The following PCDHGA12 variants were observed in gnomAD, a reference collection of about 807,000 sequenced individuals.
PCDHGA12 encodes the protein protocadherin gamma-A12.
Under a neutral mutation model 61.1 loss-of-function variants are expected in PCDHGA12, and 43 were observed. The observed-to-expected ratio is 0.70, with a 90% CI of 0.55 to 0.91. The LOEUF is 0.91. Ranked by LOEUF, PCDHGA12 falls within the 40% of genes least tolerant of loss-of-function variation. PCDHGA12 has a pLI of 0.00. For synonymous variants in PCDHGA12, 520 were observed against 542.9 expected (o/e 0.96, Z 0.59); for missense variants, 1,236 against 1,227.7 (o/e 1.01, Z -0.10).
Position 141,485,627 on chromosome 5 carries a change from T to C in PCDHGA12, c.2425-9180T>C. 3 of 1,612,072 alleles carry C rather than the reference T, an allele frequency of 1.9e-6. No individual in the cohort carries two copies. Among genetic ancestry groups the C allele is most frequent in the Non-Finnish European group, 2.5e-6 (3 of 1,178,530 alleles). On this transcript the variant is annotated intron_variant, in intron 1 of 3. Transcript: ENST00000252085. This position sits in a 1 kb window ranked among gnomAD's most constrained non-coding sequence, Gnocchi z 5.7. ...GGAGGCAGCTCCTCCAGGACAGCGT[T>C]TCCCGTTGGAAAAGGCTCAGGATGC...
intron 3 of PCDHGA12, 46 bp from the exon 4 acceptor site, chr5:141,510,901 A>G: frequency 1.9e-6 from 3 of 1,613,412 alleles, no homozygotes; most frequent in African/African-American, 2.7e-5. Flanking sequence ...GTGACTGTTG[A>G]GGACCCTAAG....
rs996153387 is a variant in PCDHGA12, at chr5:141,491,985, G to A, written c.2425-2822G>A. 24 of 743,298 alleles carry A rather than the reference G, an allele frequency of 3.2e-5. No homozygotes were observed. Among genetic ancestry groups the A allele is most frequent in the Non-Finnish European group, 4.5e-5 (22 of 494,254 alleles). 46.0% of individuals were successfully genotyped at this position (743,298 alleles called of 1,614,324 possible). On this transcript the variant is annotated intron_variant, in intron 1 of 3. Transcript: ENST00000252085. The surrounding 1 kb of genome is among the most constrained non-coding windows in gnomAD (Gnocchi z 6.9). ...AGGCCGGGGCCTCCTTCGAGCTTCC[G>A]GTGAATTTCGGGCGATTTCCGCGGG...
Position 141,450,830 on chromosome 5 carries a change from T to TTA in PCDHGA12, c.2424+17648_2424+17649insAT, listed in dbSNP as rs200967731. 4.3e-3 allele frequency among the ~76,000 whole-genome samples: 438 copies of TTA among 101,540 alleles called. 3 individuals carry two copies. Among genetic ancestry groups the TTA allele is most frequent in the African/African-American group, 0.015 (349 of 23,046 alleles). 66.6% of individuals were successfully genotyped at this position (101,540 alleles called of 152,430 possible). ...TATTTATTTAATATTATTATTATTA[T>TTA]TTTTTTTTTTTTGAGATGGGGTCTT... On this transcript the variant is annotated intron_variant, in intron 1 of 3. Transcript: ENST00000252085.
At chr5:141,433,951 A>G (rs2097667078) in intron 1 of PCDHGA12, among the ~76,000 whole-genome samples, 1 of 152,032 alleles carries the variant, frequency 6.6e-6, no homozygotes, top group African/African-American at 2.4e-5. Context: ...TGTTTCTTCT[A>G]CAGTTGTTAA....
chr5:141,457,899 C>CA (rs2098931976), intron 1 of PCDHGA12, among the ~76,000 whole-genome samples: 1 of 148,818 alleles, frequency 6.7e-6, no homozygotes, highest in Admixed American at 6.7e-5. Context: ...ACTGTGTAGA[C>CA]AAGGTGTGAG....
At chr5:141,448,139 C>A (rs1486636157) in intron 1 of PCDHGA12, among the ~76,000 whole-genome samples, 1 of 151,884 alleles carries the variant, frequency 6.6e-6, no homozygotes, top group African/African-American at 2.4e-5. Context: ...CCTCACTATA[C>A]CTCAGACTCA....
intron 1 of PCDHGA12, among the ~76,000 whole-genome samples, chr5:141,437,064 G>T (rs1380953110): frequency 6.6e-6 from 1 of 152,170 alleles, no homozygotes; most frequent in Non-Finnish European, 1.5e-5. Flanking sequence ...ATCATTATTT[G>T]GTTTGGGCCA....
At chr5:141,444,725 T>C (rs1178418239) in intron 1 of PCDHGA12, among the ~76,000 whole-genome samples, 1 of 152,370 alleles carries the variant, frequency 6.6e-6, no homozygotes, top group East Asian at 1.9e-4. Flanking sequence ...TTGGTGCCTT[T>C]GTTGAAAGTC....
rs200601557 is a variant in PCDHGA12, at chr5:141,432,538, G to A, written c.1779G>A (p.Ala593=). 5.0e-6 allele frequency: 8 copies of A among 1,613,908 alleles called. No homozygotes were observed. The highest frequency in any genetic ancestry group is 1.7e-5 in the Admixed American group (1 of 60,012). The change falls in exon 1 of 4, where the codon GCG becomes GCA. Residue 593 remains alanine, a synonymous_variant. Coordinates refer to ENST00000252085, the MANE Select transcript of PCDHGA12 (RefSeq NM_003735.3). The surrounding 1 kb of genome is among the most constrained non-coding windows in gnomAD (Gnocchi z 6.0). ...EPGYLVTKVV[A]VDRDSGQNAW... ...GCTACCTGGTGACCAAGGTGGTGGCGGTGGACAGAGACTCCGGCCAGAACG... is the reference window on the plus strand; with the variant it reads ...GCTACCTGGTGACCAAGGTGGTGGCAGTGGACAGAGACTCCGGCCAGAACG...
chr5:141,434,838 A>G (rs1363952147), intron 1 of PCDHGA12, among the ~76,000 whole-genome samples: 1 of 152,022 alleles, frequency 6.6e-6, no homozygotes, highest in Non-Finnish European at 1.5e-5. Context: ...GGCATTTATA[A>G]AGCAGACATC....
At chr5:141,455,282 A>C (rs1307886349) in intron 1 of PCDHGA12, among the ~76,000 whole-genome samples, 1 of 152,056 alleles carries the variant, frequency 6.6e-6, no homozygotes, top group Non-Finnish European at 1.5e-5. Flanking sequence ...TATTAACATC[A>C]CTTTACATAG....
chr5:141,469,354 A>G (rs1160934469), intron 1 of PCDHGA12, among the ~76,000 whole-genome samples: 1 of 152,128 alleles, frequency 6.6e-6, no homozygotes, highest in Non-Finnish European at 1.5e-5. Flanking sequence ...AGGTGGATGG[A>G]TCATGAGGTA....
chr5:141,442,014 G>T, intron 1 of PCDHGA12: 1 of 220,044 alleles, frequency 4.5e-6, no homozygotes, highest in Non-Finnish European at 9.2e-6. Flanking sequence ...TCGCACGATG[G>T]GCCACAGGAA....
intron 2 of PCDHGA12, among the ~76,000 whole-genome samples, chr5:141,499,146 C>T (rs1415999012): frequency 1.3e-5 from 2 of 152,132 alleles, no homozygotes; most frequent in African/African-American, 4.8e-5. Flanking sequence ...GTGTCTGATC[C>T]CAATAGCTGT....
chr5:141,463,747 G>A (rs994400482), intron 1 of PCDHGA12, among the ~76,000 whole-genome samples: 13 of 152,082 alleles, frequency 8.5e-5, no homozygotes, highest in Middle Eastern at 3.4e-3. Context: ...CGCCCGGCCT[G>A]CTTCTCTTCT....
At chr5:141,443,317 C>CA (rs35054295) in intron 1 of PCDHGA12, among the ~76,000 whole-genome samples, 76,100 of 141,790 alleles carry the variant, frequency 0.54, 21,234 homozygotes, top group African/African-American at 0.75. Flanking sequence ...CCCATCTCTA[C>CA]AAAAAAAAAA....
Position 141,489,992 on chromosome 5 carries a change from TC to T in PCDHGA12, c.2425-4812del. The T allele has an allele frequency of 6.2e-7, 1 of 1,614,216 alleles. No individual in the cohort carries two copies. The highest frequency in any genetic ancestry group is 8.5e-7 in the Non-Finnish European group (1 of 1,180,016). On this transcript the variant is annotated intron_variant, in intron 1 of 3. Coordinates refer to ENST00000252085, the MANE Select transcript of PCDHGA12 (RefSeq NM_003735.3). The surrounding 1 kb of genome is among the most constrained non-coding windows in gnomAD (Gnocchi z 4.5). The stretch of plus-strand genomic sequence containing the variant: ...CAATCCTCAGTTCTACGTGTGGGAA[TC>T]CCAGAGAATGCACCCATTGGTACTC...
intron 1 of PCDHGA12, among the ~76,000 whole-genome samples, chr5:141,457,254 A>G (rs2098914828): frequency 6.6e-6 from 1 of 152,222 alleles, no homozygotes; most frequent in Admixed American, 6.5e-5. Flanking sequence ...TTGCCAACAT[A>G]TAGAATTCCC....
At chr5:141,464,430 T>C (rs1213919443) in intron 1 of PCDHGA12, among the ~76,000 whole-genome samples, 1 of 151,680 alleles carries the variant, frequency 6.6e-6, no homozygotes, top group Non-Finnish European at 1.5e-5. Flanking sequence ...TATATAGATA[T>C]ATATGTTTGT....
Sources: allele counts gnomAD v4.1 joint callset (sites outside exome capture counted in the v4.1 genomes callset), GRCh38; gene constraint gnomAD v4.1.1; non-coding constraint Gnocchi (gnomAD v3.1); transcripts MANE v1.5; gene names NCBI Gene and HGNC (gene_info 2026-07-23, HGNC 2026-07-21).